SCUBE1: variants seen among roughly 807,000 people sequenced by gnomAD.
SCUBE1 encodes the protein signal peptide, CUB domain and EGF like domain containing 1, also known as signal peptide, CUB and EGF-like domain-containing protein 1.
SCUBE1 carries 59 observed loss-of-function variants against 124.4 expected under a neutral mutation model. The observed-to-expected ratio is 0.47, with a 90% confidence interval of 0.38 to 0.59. The LOEUF is 0.59. Ranked by LOEUF, SCUBE1 falls within the 20% of genes least tolerant of loss-of-function variation. The probability of loss-of-function intolerance (pLI) is 0.00; values close to 1 mark genes in which losing one functional copy is unlikely to be tolerated. For synonymous variants in SCUBE1, 545 were observed against 550.9 expected (o/e 0.99, Z 0.15); for missense variants, 1,150 against 1,371.2 (o/e 0.84, Z 2.55).
intron 6 of SCUBE1, among the ~76,000 whole-genome samples, chr22:43,247,838 G>A (rs1396267418): frequency 3.3e-5 from 5 of 152,228 alleles, no homozygotes; most frequent in Admixed American, 3.3e-4. Flanking sequence ...AGGGTGCCCT[G>A]TTCTTGGGCA....
chr22:43,226,663 G>A (rs950079721), intron 10 of SCUBE1, among the ~76,000 whole-genome samples: 1 of 151,998 alleles, frequency 6.6e-6, no homozygotes, highest in African/African-American at 2.4e-5. Context: ...GAGCCCAGAG[G>A]GATGTTCTAA....
intron 16 of SCUBE1, 42 bp downstream of exon 16, chr22:43,214,048 C>CCCCCCCCCCCCCCCCCCCCCCA: frequency 4.4e-6 from 1 of 227,744 alleles, no homozygotes; most frequent in East Asian, 1.8e-4. Flanking sequence ...GGAGCCCCCG[C>CCCCCCCCCCCCCCCCCCCCCCA]CCACCCCCCA....
At chr22:43,290,676 T>C (rs1424417522) in intron 4 of SCUBE1, among the ~76,000 whole-genome samples, 1 of 152,198 alleles carries the variant, frequency 6.6e-6, no homozygotes, top group Non-Finnish European at 1.5e-5. Flanking sequence ...ACAGAGAAGT[T>C]GGCACACAGC....
At chr22:43,316,139 C>T (rs1307807195) in intron 3 of SCUBE1, among the ~76,000 whole-genome samples, 2 of 152,198 alleles carry the variant, frequency 1.3e-5, no homozygotes, top group South Asian at 4.1e-4. Flanking sequence ...AGACACTCTG[C>T]TACATGCTCC....
chr22:43,287,996 A>G (rs763265), intron 4 of SCUBE1, among the ~76,000 whole-genome samples: 118,899 of 152,114 alleles, frequency 0.78, 46,631 homozygotes, highest in East Asian at 1. Context: ...CAGGACTTCC[A>G]CACAGCCGTG....
intron 3 of SCUBE1, among the ~76,000 whole-genome samples, chr22:43,306,096 C>T (rs985698312): frequency 2.6e-5 from 4 of 152,120 alleles, no homozygotes; most frequent in South Asian, 2.1e-4. Context: ...GCCCAGCAAA[C>T]GTCCAGGGCG....
intron 4 of SCUBE1, among the ~76,000 whole-genome samples, chr22:43,268,715 C>T (rs1374379960): frequency 6.6e-6 from 1 of 152,252 alleles, no homozygotes; most frequent in Non-Finnish European, 1.5e-5. Context: ...TGTGCAGCCC[C>T]AGTCTCTGGG....
At chr22:43,260,567 A>G (rs1923834393) in intron 5 of SCUBE1, among the ~76,000 whole-genome samples, 1 of 152,224 alleles carries the variant, frequency 6.6e-6, no homozygotes, top group African/African-American at 2.4e-5. Context: ...CAAGGACTAG[A>G]GCGAATGCCT....
At chr22:43,298,868 C>T (rs376385759) in intron 3 of SCUBE1, among the ~76,000 whole-genome samples, 1 of 151,980 alleles carries the variant, frequency 6.6e-6, no homozygotes, top group Non-Finnish European at 1.5e-5. Context: ...CTGGCTAACA[C>T]GGTGAAACCC....
chr22:43,227,347 G>A (rs129414), intron 10 of SCUBE1, 27 bp downstream of exon 10: 784,291 of 1,595,246 alleles, frequency 0.49, 197,224 homozygotes, highest in Non-Finnish European at 0.52. Flanking sequence ...GCAGGGGAGG[G>A]GCCAGCAGCA....
intron 4 of SCUBE1, among the ~76,000 whole-genome samples, chr22:43,288,410 C>A (rs1569014632): frequency 1.3e-5 from 2 of 152,186 alleles, no homozygotes; most frequent in South Asian, 4.1e-4. Flanking sequence ...ACCAGCTTTC[C>A]CACAGCTGCC....
chr22:43,227,998 G>C (rs1301923127), intron 9 of SCUBE1, among the ~76,000 whole-genome samples: 1 of 152,206 alleles, frequency 6.6e-6, no homozygotes, highest in African/African-American at 2.4e-5. Context: ...CCCACATTCT[G>C]TTAGTTCTTG....
At chr22:43,322,679 G>T (rs536050285) in intron 2 of SCUBE1, among the ~76,000 whole-genome samples, 1 of 152,266 alleles carries the variant, frequency 6.6e-6, no homozygotes, top group East Asian at 1.9e-4. Context: ...GATTCAGGGG[G>T]AAGCTGGCCT....
chr22:43,270,093 A>G (rs1278099197), intron 4 of SCUBE1: 5 of 152,242 alleles, frequency 3.3e-5, no homozygotes, highest in African/African-American at 1.2e-4. Flanking sequence ...CTTTTTGGGC[A>G]TTGACATGAT....
chr22:43,230,178 A>C (rs1922494337), intron 8 of SCUBE1, among the ~76,000 whole-genome samples: 1 of 152,126 alleles, frequency 6.6e-6, no homozygotes, highest in East Asian at 1.9e-4. Context: ...ATGAATGTGG[A>C]GGAAGGGTGC....
Position 43,211,213 on chromosome 22 carries a change from A to C in SCUBE1, c.2222-130T>G, listed in dbSNP as rs1601796563. ...GGCACAGAGTTCAAGGCTCCTCCCCACCGCCCCATGACCTCCCACCACCCT... is the reference window on the plus strand; with the variant it reads ...GGCACAGAGTTCAAGGCTCCTCCCCCCCGCCCCATGACCTCCCACCACCCT... On this transcript the variant is annotated intron_variant, in intron 17 of 21. Coordinates refer to ENST00000360835, the MANE Select transcript of SCUBE1 (RefSeq NM_173050.5). The surrounding 1 kb of genome is among the most constrained non-coding windows in gnomAD (Gnocchi z 4.5). The C allele has an allele frequency of 1.1e-6, 1 of 926,782 alleles. No homozygotes were observed. The highest frequency in any genetic ancestry group is 1.6e-6 in the Non-Finnish European group (1 of 615,930). The allele number at this position is 926,782 out of a possible 1,614,324, so 57.4% of individuals were successfully genotyped here. A position where few individuals can be genotyped will look rare whatever the true frequency, so the allele number is the denominator to read the frequency against.
At chr22:43,247,445 G>A (rs1046906271) in intron 6 of SCUBE1, among the ~76,000 whole-genome samples, 3 of 152,314 alleles carry the variant, frequency 2.0e-5, no homozygotes, top group South Asian at 2.1e-4. Flanking sequence ...CTCCAACCAC[G>A]GATTTCTCTG....
chr22:43,243,855 T>A (rs1221568890), intron 6 of SCUBE1, among the ~76,000 whole-genome samples: 1 of 152,232 alleles, frequency 6.6e-6, no homozygotes, highest in Non-Finnish European at 1.5e-5. Context: ...GGGTCCACAC[T>A]CTCACTGTTG....
At chr22:43,214,606 G>A (rs972971370) in intron 15 of SCUBE1, among the ~76,000 whole-genome samples, 6 of 152,188 alleles carry the variant, frequency 3.9e-5, no homozygotes, top group African/African-American at 7.2e-5. Context: ...CCTGGATGTC[G>A]CCACTTGGAT....
Sources: allele counts gnomAD v4.1 joint callset (sites outside exome capture counted in the v4.1 genomes callset), GRCh38; gene constraint gnomAD v4.1.1; non-coding constraint Gnocchi (gnomAD v3.1); transcripts MANE v1.5; gene names NCBI Gene and HGNC (gene_info 2026-07-23, HGNC 2026-07-21).